The following ATG13 variants were observed in gnomAD, a reference collection of about 807,000 sequenced individuals.
ATG13 encodes autophagy-related protein 13.
Under a neutral mutation model 65.5 loss-of-function variants are expected in ATG13, and 23 were observed. That is an observed-to-expected ratio of 0.35 (90% CI 0.25 to 0.50). The LOEUF (loss-of-function observed/expected upper bound fraction) is 0.50, where lower values mean the gene tolerates loss of function less well. ATG13 is among the 20% of genes least tolerant of loss of function. The probability of loss-of-function intolerance (pLI) is 0.98; values close to 1 mark genes in which losing one functional copy is unlikely to be tolerated. For synonymous variants in ATG13, 252 were observed against 245.2 expected (o/e 1.03, Z -0.26); for missense variants, 566 against 677.0 (o/e 0.84, Z 1.82).
At chr11:46,652,467 C>T (rs2059121303) in intron 7 of ATG13, among the ~76,000 whole-genome samples, 1 of 152,122 alleles carries the variant, frequency 6.6e-6, no homozygotes, top group Non-Finnish European at 1.5e-5. Flanking sequence ...ATAATCCCAG[C>T]ACTTTGGGAG....
At chr11:46,635,842 C>T (rs2053748225) in intron 2 of ATG13, among the ~76,000 whole-genome samples, 1 of 152,094 alleles carries the variant, frequency 6.6e-6, no homozygotes, top group South Asian at 2.1e-4. Context: ...GCCATTGTGC[C>T]GTTATAATGA....
intron 16 of ATG13, 56 bp from the exon 17 acceptor site, chr11:46,668,738 A>G: frequency 3.9e-6 from 6 of 1,523,954 alleles, no homozygotes; most frequent in Non-Finnish European, 5.5e-6. Context: ...GATTGTTTAC[A>G]GTAACTTGAA....
intron 2 of ATG13, among the ~76,000 whole-genome samples, chr11:46,635,195 C>T (rs542320531): frequency 2.1e-4 from 31 of 151,080 alleles, no homozygotes; most frequent in African/African-American, 5.8e-4. Flanking sequence ...TTAGTAGAGA[C>T]GGGTTTTGCT....
chr11:46,623,388 A>G (rs1591420843), intron 1 of ATG13, among the ~76,000 whole-genome samples: 2 of 152,096 alleles, frequency 1.3e-5, no homozygotes, highest in African/African-American at 2.4e-5. Flanking sequence ...TCTCCACTCT[A>G]TTATGGACCA....
chr11:46,620,936 T>C (rs980466168), intron 1 of ATG13: 3 of 152,208 alleles, frequency 2.0e-5, no homozygotes, highest in African/African-American at 7.2e-5. Context: ...AGTATTGCTG[T>C]TTTGGAAAAT....
At chr11:46,633,626 C>T (rs1188204825) in intron 2 of ATG13, among the ~76,000 whole-genome samples, 1 of 152,022 alleles carries the variant, frequency 6.6e-6, no homozygotes, top group Non-Finnish European at 1.5e-5. Flanking sequence ...GGATTACAGG[C>T]GTGAGCCACC....
At chr11:46,661,910 A>C (rs1365086744) in intron 11 of ATG13, among the ~76,000 whole-genome samples, 1 of 152,226 alleles carries the variant, frequency 6.6e-6, no homozygotes, top group East Asian at 1.9e-4. Context: ...ATGTTGTAGA[A>C]TCCATGGATC....
At chr11:46,664,162 AATTAT>A in intron 12 of ATG13, 67 bp downstream of exon 12, 4 of 1,208,676 alleles carry the variant, frequency 3.3e-6, no homozygotes, top group Non-Finnish European at 4.7e-6. Flanking sequence ...ATTGTAAATA[AATTAT>A]AAGGTACAGT....
chr11:46,656,713 A>G (rs899748591), intron 8 of ATG13, among the ~76,000 whole-genome samples: 1 of 152,196 alleles, frequency 6.6e-6, no homozygotes, highest in Non-Finnish European at 1.5e-5. Context: ...TTTGTGTGAC[A>G]TTCTAGTGCT....
At chr11:46,620,116 G>C (rs2046974817) in intron 1 of ATG13, among the ~76,000 whole-genome samples, 1 of 151,450 alleles carries the variant, frequency 6.6e-6, no homozygotes, top group Admixed American at 6.6e-5. Context: ...TTGCAATGGA[G>C]TTTCACTCTT....
At chr11:46,659,130 A>C (rs2060629877) in intron 10 of ATG13, among the ~76,000 whole-genome samples, 1 of 152,210 alleles carries the variant, frequency 6.6e-6, no homozygotes, top group Non-Finnish European at 1.5e-5. Context: ...GCAGTGAGAC[A>C]TGCCACAGCA....
intron 2 of ATG13, among the ~76,000 whole-genome samples, chr11:46,630,466 A>G (rs889243396): frequency 6.6e-6 from 1 of 152,116 alleles, no homozygotes; most frequent in Non-Finnish European, 1.5e-5. Flanking sequence ...CCAAATGGAG[A>G]TAAATATGGT....
At chr11:46,657,400 G>C (rs1475446765) in intron 9 of ATG13, 124 bp from the exon 10 acceptor site, 1 of 1,041,748 alleles carries the variant, frequency 9.6e-7, no homozygotes, top group Non-Finnish European at 1.5e-6. Flanking sequence ...TATATTTAGG[G>C]ATTGTGATAG....
rs192375215 is a variant in ATG13, at chr11:46,668,015, G to T, written c.1251+128G>T. 5.7e-4 allele frequency: 403 copies of T among 706,970 alleles called. 3 individuals carry two copies. In the African/African-American group the frequency reaches 6.3e-3, roughly 11 times the overall value. The allele number at this position is 706,970 out of a possible 1,614,324, so 43.8% of individuals were successfully genotyped here. On this transcript the variant is annotated intron_variant, in intron 15 of 18. Coordinates refer to ENST00000683050, the MANE Select transcript of ATG13 (RefSeq NM_001346311.2). ...TGAACTGGCATGCAAAACTGTATGT[G>T]TGTGTAAATTTTTCTGTGAAGAGGA...
intron 2 of ATG13, among the ~76,000 whole-genome samples, chr11:46,640,509 G>C (rs2055612597): frequency 6.6e-6 from 1 of 152,158 alleles, no homozygotes; most frequent in African/African-American, 2.4e-5. Context: ...GCTTAAACTA[G>C]CACTTCACAA....
At chr11:46,648,011 G>C (rs540327138) in intron 5 of ATG13, among the ~76,000 whole-genome samples, 1 of 152,316 alleles carries the variant, frequency 6.6e-6, no homozygotes, top group East Asian at 1.9e-4. Context: ...TTATAAGGCT[G>C]TATGGTATAA....
chr11:46,640,378 G>A (rs2055567106), intron 2 of ATG13, among the ~76,000 whole-genome samples: 1 of 152,200 alleles, frequency 6.6e-6, no homozygotes, highest in Non-Finnish European at 1.5e-5. Context: ...CATCAGAATG[G>A]CAAGCCACCT....
At chr11:46,654,091 A>G (rs2059499774) in intron 7 of ATG13, among the ~76,000 whole-genome samples, 1 of 149,824 alleles carries the variant, frequency 6.7e-6, no homozygotes, top group Non-Finnish European at 1.5e-5. Context: ...CTAGTTCATT[A>G]TTCCACGGTG....
intron 7 of ATG13, among the ~76,000 whole-genome samples, chr11:46,655,456 C>A (rs1426665031): frequency 6.6e-6 from 1 of 151,972 alleles, no homozygotes; most frequent in African/African-American, 2.4e-5. Context: ...GTCTGTAATC[C>A]CAGCTACTTG....
Sources: gnomAD v4.1 joint callset for allele counts (sites outside exome capture counted in the v4.1 genomes callset) on GRCh38, gnomAD v4.1.1 for gene constraint, MANE v1.5 for transcripts, NCBI Gene and HGNC (gene_info 2026-07-23, HGNC 2026-07-21) for gene names.